The following RBMS3 variants were observed in gnomAD, a reference collection of about 807,000 sequenced individuals.
The protein encoded by RBMS3 is RNA binding motif single stranded interacting protein 3.
Under a neutral mutation model 66.8 loss-of-function variants are expected in RBMS3, and 27 were observed. The observed-to-expected ratio is 0.40, with a 90% CI of 0.30 to 0.56. RBMS3 has a LOEUF of 0.56. Ranked by LOEUF, RBMS3 falls within the 20% of genes least tolerant of loss-of-function variation. The probability of loss-of-function intolerance (pLI) is 0.40; values close to 1 mark genes in which losing one functional copy is unlikely to be tolerated. For synonymous variants in RBMS3, 188 were observed against 183.0 expected (o/e 1.03, Z -0.22); for missense variants, 513 against 549.5 (o/e 0.93, Z 0.66).
chr3:29,534,520 A>T (rs1205677633), intron 3 of RBMS3, among the ~76,000 whole-genome samples: 1 of 152,218 alleles, frequency 6.6e-6, no homozygotes, highest in African/African-American at 2.4e-5. Flanking sequence ...GGCATATCAC[A>T]GGTGGGAGAT....
intron 10 of RBMS3, among the ~76,000 whole-genome samples, chr3:29,902,551 T>A (rs1457851797): frequency 6.6e-6 from 1 of 150,850 alleles, no homozygotes; most frequent in African/African-American, 2.4e-5. Context: ...ACCTAAAACT[T>A]AAAAAAAAAT....
intron 2 of RBMS3, among the ~76,000 whole-genome samples, chr3:29,439,170 C>A (rs1365112347): frequency 6.6e-6 from 1 of 152,022 alleles, no homozygotes. Flanking sequence ...GCAAAATGAG[C>A]TAGAAAACAC....
intron 3 of RBMS3, among the ~76,000 whole-genome samples, chr3:29,542,026 T>C (rs1303582024): frequency 6.6e-6 from 1 of 152,150 alleles, no homozygotes; most frequent in Non-Finnish European, 1.5e-5. Flanking sequence ...ATCACAAATA[T>C]ATGTTTAGCA....
intron 4 of RBMS3, among the ~76,000 whole-genome samples, chr3:29,657,348 T>A (rs1676646517): frequency 1.3e-5 from 2 of 152,222 alleles, no homozygotes; most frequent in Admixed American, 1.3e-4. Flanking sequence ...ATTAAATATA[T>A]CTCACACTAT....
intron 1 of RBMS3, among the ~76,000 whole-genome samples, chr3:29,371,006 A>G (rs2038169526): frequency 6.6e-6 from 1 of 152,164 alleles, no homozygotes; most frequent in East Asian, 1.9e-4. Flanking sequence ...GAATGTCATG[A>G]TTGCTAATGT....
intron 2 of RBMS3, among the ~76,000 whole-genome samples, chr3:29,460,323 TTG>T (rs1294401514): frequency 2.0e-5 from 3 of 152,182 alleles, no homozygotes; most frequent in Admixed American, 2.0e-4. Context: ...TACAAAATGT[TTG>T]TGTGTTTTCC....
chr3:29,453,593 C>T (rs1479601985), intron 2 of RBMS3, among the ~76,000 whole-genome samples: 3 of 152,182 alleles, frequency 2.0e-5, no homozygotes, highest in African/African-American at 7.2e-5. Flanking sequence ...TGGGCTTTGG[C>T]CTGGCAAGGG....
At chr3:29,685,221 G>C (rs1202439071) in intron 4 of RBMS3, among the ~76,000 whole-genome samples, 7 of 151,608 alleles carry the variant, frequency 4.6e-5, no homozygotes, top group Admixed American at 1.3e-4. Flanking sequence ...ACCACGCCCA[G>C]CTAATTTTTT....
chr3:29,399,319 A>G (rs949061745), intron 1 of RBMS3, among the ~76,000 whole-genome samples: 1 of 152,128 alleles, frequency 6.6e-6, no homozygotes, highest in Non-Finnish European at 1.5e-5. Context: ...AAGTTCCTGA[A>G]TTTCAAGGTG....
At chr3:29,641,824 G>T (rs548283836) in intron 4 of RBMS3, among the ~76,000 whole-genome samples, 1 of 152,180 alleles carries the variant, frequency 6.6e-6, no homozygotes, top group South Asian at 2.1e-4. Context: ...TTATGCTAAA[G>T]TCAGTGGTGT....
chr3:29,696,410 A>G (rs2052279119), intron 4 of RBMS3, among the ~76,000 whole-genome samples: 1 of 149,280 alleles, frequency 6.7e-6, no homozygotes, highest in Non-Finnish European at 1.5e-5. Flanking sequence ...ATTAAAAACG[A>G]TCATTTGTAC....
At chr3:29,739,521 G>C (rs1576662907) in intron 4 of RBMS3, among the ~76,000 whole-genome samples, 199 bp from the exon 5 acceptor site, 1 of 151,788 alleles carries the variant, frequency 6.6e-6, no homozygotes, top group East Asian at 1.9e-4. Flanking sequence ...TGGAGAGCTT[G>C]GCTTTCATTG....
chr3:29,551,380 A>T (rs2046173582), intron 3 of RBMS3, among the ~76,000 whole-genome samples: 1 of 152,216 alleles, frequency 6.6e-6, no homozygotes, highest in South Asian at 2.1e-4. Flanking sequence ...GAGTTATAAT[A>T]CATAACAAAA....
At chr3:29,655,513 T>C (rs73050318) in intron 4 of RBMS3, among the ~76,000 whole-genome samples, 18,092 of 152,236 alleles carry the variant, frequency 0.12, 1,151 homozygotes, top group Middle Eastern at 0.23. Flanking sequence ...AGTGACATCA[T>C]AGTTGCCATA....
intron 4 of RBMS3, among the ~76,000 whole-genome samples, chr3:29,588,093 A>G (rs61143567): frequency 0.15 from 22,766 of 151,964 alleles, 1,964 homozygotes; most frequent in East Asian, 0.32. Context: ...TCTCTGTACT[A>G]TCTTTGCAAT....
chr3:29,633,708 C>G (rs139407603), intron 4 of RBMS3, among the ~76,000 whole-genome samples: 220 of 151,930 alleles, frequency 1.4e-3, no homozygotes, highest in African/African-American at 5.1e-3. Flanking sequence ...ACTCAAATTC[C>G]CAGAAACAGA....
At chr3:29,498,441 A>C (rs1276143142) in intron 3 of RBMS3, among the ~76,000 whole-genome samples, 1 of 152,180 alleles carries the variant, frequency 6.6e-6, no homozygotes, top group East Asian at 1.9e-4. Flanking sequence ...TGATATACAA[A>C]ATATAATAAT....
At chr3:29,671,301 A>G (rs961873122) in intron 4 of RBMS3, among the ~76,000 whole-genome samples, 10 of 152,264 alleles carry the variant, frequency 6.6e-5, no homozygotes, top group African/African-American at 2.4e-4. Flanking sequence ...GACCAAAGGT[A>G]GCTAAAACCA....
intron 3 of RBMS3, among the ~76,000 whole-genome samples, chr3:29,583,409 A>G (rs2047400045): frequency 6.6e-6 from 1 of 152,214 alleles, no homozygotes; most frequent in Admixed American, 6.5e-5. Flanking sequence ...ATAGCCCAAC[A>G]GTATTAATAG....
Sources: gnomAD v4.1 joint callset for allele counts (sites outside exome capture counted in the v4.1 genomes callset) on GRCh38, gnomAD v4.1.1 for gene constraint, MANE v1.5 for transcripts, NCBI Gene and HGNC (gene_info 2026-07-23, HGNC 2026-07-21) for gene names.